The following PPIG variants were observed in gnomAD, a reference collection of about 807,000 sequenced individuals.
PPIG encodes peptidylprolyl isomerase G, also known as peptidyl-prolyl cis-trans isomerase G.
Under a neutral mutation model 87.9 loss-of-function variants are expected in PPIG, and 26 were observed. That is an observed-to-expected ratio of 0.30 (90% confidence interval 0.22 to 0.41). The LOEUF (loss-of-function observed/expected upper bound fraction) is 0.41, where lower values mean the gene tolerates loss of function less well. Among genes scored for constraint, PPIG ranks in the 10% least tolerant of loss-of-function variants. The probability of loss-of-function intolerance (pLI) is 1.00; values close to 1 mark genes in which losing one functional copy is unlikely to be tolerated. For synonymous variants in PPIG, 308 were observed against 276.5 expected (o/e 1.11, Z -1.13); for missense variants, 722 against 879.4 (o/e 0.82, Z 2.26).
At chr2:169,603,483 CATATACTATTTAACAATA>C (rs1559178359) in intron 1 of PPIG, among the ~76,000 whole-genome samples, 141 bp from the exon 2 acceptor site, 5 of 147,054 alleles carry the variant, frequency 3.4e-5, no homozygotes, top group Non-Finnish European at 7.5e-5. Context: ...AAATCTACCA[CATATACTATTTAACAATA>C]GTTAAATAGT....
intron 1 of PPIG, among the ~76,000 whole-genome samples, chr2:169,596,421 G>T (rs1685017464): frequency 1.3e-5 from 2 of 152,084 alleles, no homozygotes; most frequent in Non-Finnish European, 2.9e-5. Context: ...TGTGTTTTGA[G>T]TGGCCTAAAC....
At chr2:169,619,514 TG>T (rs1685687675) in intron 9 of PPIG, among the ~76,000 whole-genome samples, 1 of 152,206 alleles carries the variant, frequency 6.6e-6, no homozygotes, top group Non-Finnish European at 1.5e-5. Flanking sequence ...TAAGTCTCTT[TG>T]TAGGTCTCTA....
intron 12 of PPIG, chr2:169,633,526 ATTC>A (rs1686111321): frequency 4.1e-6 from 2 of 484,948 alleles, no homozygotes; most frequent in Non-Finnish European, 7.1e-6. Flanking sequence ...CTGTATCTCT[ATTC>A]TTGTTAAAAA....
At chr2:169,622,047 G>C (rs1425699725) in intron 9 of PPIG, among the ~76,000 whole-genome samples, 1 of 152,058 alleles carries the variant, frequency 6.6e-6, no homozygotes, top group Non-Finnish European at 1.5e-5. Context: ...GACACAACAA[G>C]GCCCCATCTC....
In PPIG at chr2:169,637,586, A is replaced by C; in HGVS notation, c.*63A>C. On this transcript the variant is annotated 3_prime_UTR_variant, in exon 14 of 14. Transcript: ENST00000260970. ...TTTAAGTTTGAGAGACTTGCTAATG[A>C]ATCTCCTTTATGTTGTTTTCCTTTT... The C allele has an allele frequency of 7.2e-7, 1 of 1,389,118 alleles. No homozygotes were observed. The highest frequency in any genetic ancestry group is 9.6e-7 in the Non-Finnish European group (1 of 1,042,632). 86.0% of individuals were successfully genotyped at this position (1,389,118 alleles called of 1,614,324 possible). A position where few individuals can be genotyped will look rare whatever the true frequency, so the allele number is the denominator to read the frequency against.
At chr2:169,592,130 G>A (rs1209694571) in intron 1 of PPIG, among the ~76,000 whole-genome samples, 1 of 149,984 alleles carries the variant, frequency 6.7e-6, no homozygotes, top group Non-Finnish European at 1.5e-5. Context: ...GGGTCTTGCT[G>A]TTGCCCAGGC....
At chr2:169,594,099 C>G (rs2353194) in intron 1 of PPIG, among the ~76,000 whole-genome samples, 61,293 of 151,882 alleles carry the variant, frequency 0.4, 13,012 homozygotes, top group East Asian at 0.58. Context: ...AGAGCACCAG[C>G]GTAGCCAACT....
Position 169,595,032 on chromosome 2 carries a change from G to A in PPIG, c.-69-8610G>A, listed in dbSNP as rs188145558. On this transcript the variant is annotated intron_variant, in intron 1 of 13. Transcript: ENST00000260970. ...CAACCTCCGCCTCCCGGGTTCAAGC[G>A]ATTCTCCTGCCTCAGCCTCCTGAGT... is the stretch of plus-strand genomic sequence containing the variant. Among the ~76,000 whole-genome samples, 8 of 152,148 alleles carry A rather than the reference G, an allele frequency of 5.3e-5. No individual in the cohort carries two copies. In the East Asian group the frequency reaches 9.6e-4, roughly 18 times the overall value.
At chr2:169,630,660 G>A in intron 9 of PPIG, 114 bp from the exon 10 acceptor site, 1 of 863,766 alleles carries the variant, frequency 1.2e-6, no homozygotes, top group Non-Finnish European at 1.9e-6. Context: ...TCACATAGCT[G>A]GATGATCTAA....
chr2:169,636,933 A>G lies in PPIG; in HGVS notation c.1675A>G (p.Asn559Asp). ...CDITKGKHSY[N>D]SRTRERSRSR... ...TATAACTAAAGGTAAACACAGTTAT[A>G]ATAGCAGAACAAGAGAACGAAGCAG... The change falls in exon 14 of 14, where the codon AAT becomes GAT. Residue 559 changes from asparagine to aspartate, a missense_variant. Physicochemically the swap from Asn to Asp is conservative, Grantham distance 23. Around this residue, in one of 4 missense-constraint regions of PPIG, gnomAD observed 476 missense variants for 483.1 expected, o/e 0.99. Coordinates refer to ENST00000260970, the MANE Select transcript of PPIG (RefSeq NM_004792.3). 1 of 1,614,022 alleles carries G rather than the reference A, an allele frequency of 6.2e-7. No homozygotes were observed. Among genetic ancestry groups the G allele is most frequent in the Non-Finnish European group, 8.5e-7 (1 of 1,179,990 alleles).
rs540028139 is a variant in PPIG, at chr2:169,617,419, G to A, written c.547+2695G>A. Reference sequence around the variant, plus strand: ...GAAGAAAGTCAGTTGTAGCTTGATGGAGATAGCATTGAATCTATAAATTAC... The same window carrying A: ...GAAGAAAGTCAGTTGTAGCTTGATGAAGATAGCATTGAATCTATAAATTAC... On this transcript the variant is annotated intron_variant, in intron 9 of 13. Coordinates refer to ENST00000260970, the MANE Select transcript of PPIG (RefSeq NM_004792.3). 2.0e-5 allele frequency among the ~76,000 whole-genome samples: 3 copies of A among 152,312 alleles called. No homozygotes were observed. The South Asian group carries it at 6.2e-4, about 32-fold the overall frequency.
At chr2:169,620,349 G>A (rs866545569) in intron 9 of PPIG, among the ~76,000 whole-genome samples, 5 of 151,836 alleles carry the variant, frequency 3.3e-5, no homozygotes, top group Non-Finnish European at 5.9e-5. Context: ...TTTCCCCATT[G>A]TGTGTTCTTG....
At chr2:169,609,093 A>AG (rs1685417024) in intron 7 of PPIG, among the ~76,000 whole-genome samples, 2 of 151,940 alleles carry the variant, frequency 1.3e-5, no homozygotes, top group Admixed American at 6.6e-5. Context: ...AAAAAAAAAA[A>AG]AAAAAAATCC....
Position 169,604,170 on chromosome 2 carries a change from A to C in PPIG, c.62-17A>C. 2 of 1,611,344 alleles carry C rather than the reference A, an allele frequency of 1.2e-6. No individual in the cohort carries two copies. Among genetic ancestry groups the C allele is most frequent in the Middle Eastern group, 1.7e-4 (1 of 5,982 alleles). On this transcript the variant is annotated splice_polypyrimidine_tract_variant and intron_variant, in intron 3 of 13. Coordinates refer to ENST00000260970, the MANE Select transcript of PPIG (RefSeq NM_004792.3). ...TTAAATTAGTAAAGAAGTTTAACCA[A>C]CTACCTTCTTTTTCAGCTGGAAGAG...
chr2:169,624,408 A>G (rs1338564784), intron 9 of PPIG, among the ~76,000 whole-genome samples: 1 of 152,190 alleles, frequency 6.6e-6, no homozygotes, highest in Non-Finnish European at 1.5e-5. Flanking sequence ...AAACTAATTA[A>G]CCAGAAATGG....
In PPIG at chr2:169,630,957, A is replaced by C; in HGVS notation, c.731A>C (p.Glu244Ala). The C allele has an allele frequency of 1.9e-6, 3 of 1,596,218 alleles. No individual in the cohort carries two copies. Among genetic ancestry groups the C allele is most frequent in the Non-Finnish European group, 2.6e-6 (3 of 1,175,854 alleles). The change falls in exon 10 of 14, where the codon GAA (glutamate) becomes GCA (alanine). Residue 244 changes from glutamate (E) to alanine (A), a missense_variant. This residue lies in a region of PPIG where 142 missense variants were observed against 152.8 expected (regional missense o/e 0.93). Coordinates refer to ENST00000260970, the MANE Select transcript of PPIG (RefSeq NM_004792.3). ...AAAAATTCCCGAAAACACAAGAAAG[A>C]AAAGAAAAAGCGAAAGAAAAGCAAG... Reference protein sequence around the residue: ...HRKNSRKHKKEKKKRKKSKKS... With the variant: ...HRKNSRKHKKAKKKRKKSKKS...
At chr2:169,603,979 T>G in intron 2 of PPIG, 47 bp from the exon 3 acceptor site, 1 of 1,429,674 alleles carries the variant, frequency 7.0e-7, no homozygotes, top group Admixed American at 1.9e-5. Context: ...TTGTGAAAGA[T>G]CTTTGCTATT....
intron 1 of PPIG, among the ~76,000 whole-genome samples, chr2:169,589,978 G>A (rs894684609): frequency 6.6e-5 from 10 of 151,840 alleles, no homozygotes; most frequent in Admixed American, 6.6e-4. Context: ...GTGTGCTGGC[G>A]CATTCCAGTA....
rs781163460 is a variant in PPIG at position 169,637,009 on chromosome 2, G to A, written c.1751G>A (p.Arg584His). ...RVRSRTHDRD[R>H]SRSKEYHRYR... ...CGATCAAGAACCCATGACAGAGATC[G>A]CAGCAGAAGCAAGGAGTACCATAGA... is the stretch of plus-strand genomic sequence containing the variant. The change falls in exon 14 of 14, where the codon CGC becomes CAC. Residue 584 changes from arginine to histidine, a missense_variant. Physicochemically the swap from Arg to His is conservative, Grantham distance 29. Coordinates refer to ENST00000260970, the MANE Select transcript of PPIG (RefSeq NM_004792.3). 10 of 1,613,774 alleles carry A rather than the reference G, an allele frequency of 6.2e-6. No homozygotes were observed. Among genetic ancestry groups the A allele is most frequent in the South Asian group, 1.1e-5 (1 of 91,062 alleles).
Sources: allele counts gnomAD v4.1 joint callset (sites outside exome capture counted in the v4.1 genomes callset), GRCh38; gene constraint gnomAD v4.1.1; regional missense constraint gnomAD v4.1.1; transcripts MANE v1.5; gene names NCBI Gene and HGNC (gene_info 2026-07-23, HGNC 2026-07-21).